The following DSCAM variants were observed in gnomAD, a reference collection of about 807,000 sequenced individuals.
DSCAM encodes cell adhesion molecule DSCAM.
In DSCAM, 47 loss-of-function variants were observed where a neutral mutation model predicts 217.7. That is an observed-to-expected ratio of 0.22 (90% CI 0.17 to 0.28). The LOEUF (loss-of-function observed/expected upper bound fraction) is 0.28. DSCAM is among the 10% of genes least tolerant of loss of function. DSCAM has a pLI of 1.00. For missense variants in DSCAM, 2,080 were observed against 2,618.3 expected (o/e 0.79, Z 4.49); for synonymous variants, 1,056 against 1,015.3 (o/e 1.04, Z -0.76).
intron 8 of DSCAM, among the ~76,000 whole-genome samples, chr21:40,336,074 A>G (rs1335009115): frequency 1.3e-5 from 2 of 152,140 alleles, no homozygotes; most frequent in East Asian, 3.9e-4. Flanking sequence ...GTTATTTTTA[A>G]TGTTCTATGT....
At chr21:40,703,193 C>A (rs925158726) in intron 2 of DSCAM, among the ~76,000 whole-genome samples, 4 of 152,048 alleles carry the variant, frequency 2.6e-5, no homozygotes, top group African/African-American at 9.7e-5. Context: ...AAATTTTCTG[C>A]TATTTTGTGT....
At chr21:40,767,604 CA>C (rs1289284890) in intron 1 of DSCAM, among the ~76,000 whole-genome samples, 3 of 152,188 alleles carry the variant, frequency 2.0e-5, no homozygotes, top group African/African-American at 7.2e-5. Flanking sequence ...AACCTTCCTG[CA>C]AAGTATCAGC....
chr21:40,413,590 G>T (rs2075343068), intron 3 of DSCAM, among the ~76,000 whole-genome samples: 1 of 152,182 alleles, frequency 6.6e-6, no homozygotes, highest in Non-Finnish European at 1.5e-5. Context: ...CATCATCCCA[G>T]CAGGATATTG....
At chr21:40,411,419 C>T (rs914360360) in intron 3 of DSCAM, among the ~76,000 whole-genome samples, 1 of 152,050 alleles carries the variant, frequency 6.6e-6, no homozygotes, top group Non-Finnish European at 1.5e-5. Flanking sequence ...AAGACTGAAA[C>T]CCAACATTGT....
chr21:40,080,346 G>C lies in DSCAM; in HGVS notation c.4232-6C>G. The C allele has an allele frequency of 6.3e-7, 1 of 1,577,196 alleles. No homozygotes were observed. Among genetic ancestry groups the C allele is most frequent in the Non-Finnish European group, 8.6e-7 (1 of 1,157,306 alleles). Reference sequence around the variant, plus strand: ...GGAGTACTGCAGTATGTATCCTGCAGAGAATGAGAAAGATTCACATGAGCA... The same window carrying C: ...GGAGTACTGCAGTATGTATCCTGCACAGAATGAGAAAGATTCACATGAGCA... On this transcript the variant is annotated splice_region_variant and splice_polypyrimidine_tract_variant and intron_variant, in intron 24 of 32. Transcript: ENST00000400454.
intron 3 of DSCAM, among the ~76,000 whole-genome samples, chr21:40,472,465 C>T (rs942530881): frequency 6.6e-6 from 1 of 152,030 alleles, no homozygotes; most frequent in Non-Finnish European, 1.5e-5. Flanking sequence ...TCTAATTTTC[C>T]TAATTGTTAA....
At chr21:40,807,656 A>C (rs2091800145) in intron 1 of DSCAM, among the ~76,000 whole-genome samples, 1 of 152,230 alleles carries the variant, frequency 6.6e-6, no homozygotes, top group Admixed American at 6.5e-5. Context: ...AGGTCATAAC[A>C]AAATAAAAAG....
intron 11 of DSCAM, among the ~76,000 whole-genome samples, chr21:40,195,259 T>A (rs2090995205): frequency 6.6e-6 from 1 of 152,192 alleles, no homozygotes; most frequent in African/African-American, 2.4e-5. Context: ...TCAAGTCTTT[T>A]AATGACTCTA....
chr21:40,595,037 G>A (rs2077011240), intron 3 of DSCAM, among the ~76,000 whole-genome samples: 1 of 152,192 alleles, frequency 6.6e-6, no homozygotes, highest in Non-Finnish European at 1.5e-5. Context: ...GCACAGGGCA[G>A]GCCTTCTTTG....
chr21:40,248,418 C>T (rs944104299), intron 11 of DSCAM, among the ~76,000 whole-genome samples: 3 of 152,208 alleles, frequency 2.0e-5, no homozygotes, highest in Admixed American at 6.5e-5. Context: ...ATTTCTTCCA[C>T]CAGATACCCT....
At chr21:40,090,024 T>C (rs115714970) in intron 21 of DSCAM, among the ~76,000 whole-genome samples, 2,268 of 152,166 alleles carry the variant, frequency 0.015, 64 homozygotes, top group African/African-American at 0.052. Context: ...CTGCTGTCCC[T>C]CCTCTTCTCA....
intron 3 of DSCAM, among the ~76,000 whole-genome samples, chr21:40,411,964 T>C (rs2075327204): frequency 6.6e-6 from 1 of 152,112 alleles, no homozygotes; most frequent in South Asian, 2.1e-4. Flanking sequence ...GGTTATGGAG[T>C]TGGGTCTTTC....
At chr21:40,444,287 G>A (rs944408120) in intron 3 of DSCAM, among the ~76,000 whole-genome samples, 2 of 152,154 alleles carry the variant, frequency 1.3e-5, no homozygotes, top group Non-Finnish European at 2.9e-5. Flanking sequence ...CATGTAACTG[G>A]CAGCCAAGGT....
chr21:40,560,018 C>T (rs1025268852), intron 3 of DSCAM, among the ~76,000 whole-genome samples: 7 of 152,232 alleles, frequency 4.6e-5, no homozygotes, highest in Admixed American at 1.3e-4. Flanking sequence ...TGGTCTCGAT[C>T]TCCTGACCTC....
chr21:40,191,920 C>A (rs1454529994), intron 11 of DSCAM, among the ~76,000 whole-genome samples: 1 of 152,274 alleles, frequency 6.6e-6, no homozygotes, highest in African/African-American at 2.4e-5. Flanking sequence ...GATTTAGGAC[C>A]TACCCTAATG....
At chr21:40,824,412 T>G (rs2123609797) in intron 1 of DSCAM, among the ~76,000 whole-genome samples, 1 of 147,970 alleles carries the variant, frequency 6.8e-6, no homozygotes, top group East Asian at 2.0e-4. Flanking sequence ...GATTTTTTTT[T>G]TTTTTTTTGG....
At chr21:40,059,873 T>C (rs2089087827) in intron 28 of DSCAM, among the ~76,000 whole-genome samples, 1 of 152,180 alleles carries the variant, frequency 6.6e-6, no homozygotes, top group African/African-American at 2.4e-5. Context: ...CAGGGGTAGC[T>C]GTTCAGTATC....
intron 3 of DSCAM, among the ~76,000 whole-genome samples, chr21:40,377,068 G>C (rs116023271): frequency 1.9e-3 from 287 of 152,224 alleles, no homozygotes; most frequent in African/African-American, 6.8e-3. Flanking sequence ...GGAAAATTTA[G>C]ATAGAGACAT....
chr21:40,815,395 C>T (rs1202280076), intron 1 of DSCAM, among the ~76,000 whole-genome samples: 2 of 152,262 alleles, frequency 1.3e-5, no homozygotes, highest in East Asian at 3.9e-4. Context: ...CACACAGACA[C>T]AAGAACCTAG....
Sources: gnomAD v4.1 joint callset for allele counts (sites outside exome capture counted in the v4.1 genomes callset) on GRCh38, gnomAD v4.1.1 for gene constraint, MANE v1.5 for transcripts, NCBI Gene and HGNC (gene_info 2026-07-23, HGNC 2026-07-21) for gene names.